CTNND2: variants seen among roughly 807,000 people sequenced by gnomAD.
The protein encoded by CTNND2 is catenin delta-2.
In CTNND2, 22 loss-of-function variants were observed where a neutral mutation model predicts 144.4. The observed-to-expected ratio is 0.15, with a 90% CI of 0.11 to 0.22. The LOEUF is 0.22. CTNND2 is among the 10% of genes least tolerant of loss of function. CTNND2 has a pLI of 1.00. For synonymous variants in CTNND2, 751 were observed against 695.6 expected, an observed-to-expected ratio of 1.08 and a Z score of -1.25; for missense variants, 1,353 against 1,618.8, an observed-to-expected ratio of 0.84 and a Z score of 2.82.
At chr5:11,537,136 C>A (rs1774281332) in intron 3 of CTNND2, among the ~76,000 whole-genome samples, 1 of 151,884 alleles carries the variant, frequency 6.6e-6, no homozygotes, top group Admixed American at 6.6e-5. Flanking sequence ...CACTGGGATA[C>A]AAGCAGAAGA....
At chr5:11,041,491 C>T (rs1020666663) in intron 16 of CTNND2, among the ~76,000 whole-genome samples, 3 of 152,136 alleles carry the variant, frequency 2.0e-5, no homozygotes, top group African/African-American at 4.8e-5. Context: ...CCTCCTGACT[C>T]CTTCCTCTGA....
At chr5:11,197,844 C>G (rs1328474461) in intron 11 of CTNND2, among the ~76,000 whole-genome samples, 1 of 152,226 alleles carries the variant, frequency 6.6e-6, no homozygotes, top group Non-Finnish European at 1.5e-5. Context: ...TTCTGGCAAT[C>G]AGGGAAGCCA....
chr5:11,682,035 C>T (rs936724799), intron 2 of CTNND2, among the ~76,000 whole-genome samples: 2 of 152,184 alleles, frequency 1.3e-5, no homozygotes, highest in Admixed American at 1.3e-4. Flanking sequence ...TAAGTGCCTG[C>T]TTGTTTTTCC....
At chr5:11,432,686 G>C (rs1027019986) in intron 3 of CTNND2, among the ~76,000 whole-genome samples, 2 of 152,136 alleles carry the variant, frequency 1.3e-5, no homozygotes, top group African/African-American at 4.8e-5. Flanking sequence ...CAAATAAAAT[G>C]ATAAGCAAAA....
At chr5:11,333,218 C>G (rs1396586732) in intron 9 of CTNND2, among the ~76,000 whole-genome samples, 1 of 152,110 alleles carries the variant, frequency 6.6e-6, no homozygotes, top group African/African-American at 2.4e-5. Flanking sequence ...TTGCAATGGA[C>G]ATTTAGATTG....
Position 10,973,653 on chromosome 5 carries a change from A to G in CTNND2, c.3478T>C (p.Phe1160Leu), listed in dbSNP as rs770178360. 7 of 1,614,026 alleles carry G rather than the reference A, an allele frequency of 4.3e-6. No individual in the cohort carries two copies. The highest frequency in any genetic ancestry group is 5.9e-6 in the Non-Finnish European group (7 of 1,179,942). The change falls in exon 22 of 22, where the codon TTT becomes CTT. Residue 1160 changes from phenylalanine (F) to leucine (L), a missense_variant. By Grantham distance (22) the Phe-to-Leu change is conservative. This residue lies in a region of CTNND2 where 459 missense variants were observed against 674.3 expected (regional missense o/e 0.68). Coordinates refer to ENST00000304623, the MANE Select transcript of CTNND2 (RefSeq NM_001332.4). The surrounding 1 kb of genome is among the most constrained non-coding windows in gnomAD (Gnocchi z 5.6). Reference sequence around the variant, plus strand: ...TCGTAATTTCTTGTGGAATTCTGAAATGGCTGGTAGGTCTCGTAATCTTTT... The same window carrying G: ...TCGTAATTTCTTGTGGAATTCTGAAGTGGCTGGTAGGTCTCGTAATCTTTT... ...SRKDYETYQPFQNSTRNYDES... is the reference protein window; with the variant it reads ...SRKDYETYQPLQNSTRNYDES...
chr5:11,279,061 G>T (rs1746848654), intron 9 of CTNND2, among the ~76,000 whole-genome samples: 1 of 152,140 alleles, frequency 6.6e-6, no homozygotes, highest in Non-Finnish European at 1.5e-5. Flanking sequence ...ATGCTTCTGG[G>T]ACTGAAATGG....
chr5:11,071,810 A>G (rs1369945968), intron 16 of CTNND2, among the ~76,000 whole-genome samples: 1 of 152,156 alleles, frequency 6.6e-6, no homozygotes, highest in African/African-American at 2.4e-5. Flanking sequence ...GGTAGTAAAG[A>G]GAACTCAAGA....
intron 2 of CTNND2, among the ~76,000 whole-genome samples, chr5:11,666,124 A>G (rs1464546498): frequency 1.3e-5 from 2 of 152,350 alleles, no homozygotes; most frequent in East Asian, 3.9e-4. Context: ...CAGTGGAATC[A>G]AGGCATGTAC....
intron 7 of CTNND2, among the ~76,000 whole-genome samples, chr5:11,377,865 T>A (rs977618012): frequency 9.2e-5 from 14 of 152,172 alleles, no homozygotes; most frequent in Admixed American, 4.6e-4. Context: ...GTAAGTAGAA[T>A]AGAGGTGCTA....
intron 2 of CTNND2, among the ~76,000 whole-genome samples, chr5:11,597,028 C>A (rs1779540802): frequency 6.6e-6 from 1 of 152,104 alleles, no homozygotes; most frequent in Non-Finnish European, 1.5e-5. Flanking sequence ...GGCAGCGAAC[C>A]CAAACAAGTC....
At chr5:11,161,635 G>T (rs778568195) in intron 11 of CTNND2, among the ~76,000 whole-genome samples, 1 of 152,060 alleles carries the variant, frequency 6.6e-6, no homozygotes, top group African/African-American at 2.4e-5. Flanking sequence ...ATATTAAAAA[G>T]AAATTAGTAT....
chr5:11,538,023 G>C (rs887308758), intron 3 of CTNND2, among the ~76,000 whole-genome samples: 2 of 152,130 alleles, frequency 1.3e-5, no homozygotes, highest in Non-Finnish European at 2.9e-5. Context: ...ATTCACCATG[G>C]ACTCAACCTA....
chr5:11,333,290 G>A (rs1273934187), intron 9 of CTNND2, among the ~76,000 whole-genome samples: 1 of 151,768 alleles, frequency 6.6e-6, no homozygotes, highest in Non-Finnish European at 1.5e-5. Context: ...TTGAGGCAGG[G>A]TCTCACTCTG....
intron 3 of CTNND2, among the ~76,000 whole-genome samples, chr5:11,532,105 T>C (rs977404308): frequency 5.3e-5 from 8 of 152,174 alleles, no homozygotes; most frequent in South Asian, 2.1e-4. Flanking sequence ...GCTGTGGACA[T>C]AGAAAGGTGC....
intron 3 of CTNND2, among the ~76,000 whole-genome samples, chr5:11,561,523 GA>G (rs1197255265): frequency 6.6e-6 from 1 of 152,220 alleles, no homozygotes; most frequent in Non-Finnish European, 1.5e-5. Flanking sequence ...GAAAGTCTGT[GA>G]AGAGATTAAG....
intron 11 of CTNND2, among the ~76,000 whole-genome samples, chr5:11,198,049 T>C (rs954738003): frequency 1.3e-5 from 2 of 152,232 alleles, no homozygotes; most frequent in Non-Finnish European, 2.9e-5. Context: ...CCCCATCACA[T>C]GCACTGAGCT....
intron 9 of CTNND2, among the ~76,000 whole-genome samples, chr5:11,265,861 A>G (rs1745390373): frequency 6.6e-6 from 1 of 151,812 alleles, no homozygotes; most frequent in Non-Finnish European, 1.5e-5. Context: ...ACAGGATCGC[A>G]CCACCATGCT....
At chr5:11,243,344 T>C (rs1321115465) in intron 9 of CTNND2, among the ~76,000 whole-genome samples, 3 of 152,196 alleles carry the variant, frequency 2.0e-5, no homozygotes, top group Admixed American at 6.5e-5. Context: ...GCTCACTGTG[T>C]AGATGAACAT....
Sources: gnomAD v4.1 joint callset for allele counts (sites outside exome capture counted in the v4.1 genomes callset) on GRCh38, gnomAD v4.1.1 for gene constraint, gnomAD v4.1.1 regional missense constraint, Gnocchi (gnomAD v3.1) non-coding constraint, MANE v1.5 for transcripts, NCBI Gene and HGNC (gene_info 2026-07-23, HGNC 2026-07-21) for gene names.